The following IMPDH1 variants were observed in gnomAD, a reference collection of about 807,000 sequenced individuals.
IMPDH1 encodes the protein inosine-5'-monophosphate dehydrogenase 1.
A neutral mutation model predicts 73.5 loss-of-function variants in IMPDH1; 41 were observed. The observed-to-expected ratio is 0.56, with a 90% confidence interval of 0.43 to 0.72. IMPDH1 has a LOEUF of 0.72. IMPDH1 is among the 30% of genes least tolerant of loss of function. IMPDH1 has a pLI of 0.00. For synonymous variants in IMPDH1, 318 were observed against 334.3 expected (o/e 0.95, Z 0.53); for missense variants, 645 against 824.8 (o/e 0.78, Z 2.67).
At position 128,394,231 on chromosome 7, in the gene IMPDH1, C is replaced by T; in HGVS notation, c.1778+47G>A. 6.5e-7 allele frequency: 1 copy of T among 1,530,114 alleles called. No individual in the cohort carries two copies. Among genetic ancestry groups the T allele is most frequent in the South Asian group, 1.1e-5 (1 of 89,422 alleles). The allele number at this position is 1,530,114 out of a possible 1,614,324, so 94.8% of individuals were successfully genotyped here. ...GACCTCAGAACCCTGGCCCCACCTGCCCAACCCACTGCCTCCAAGTGACAG... is the reference window on the plus strand; with the variant it reads ...GACCTCAGAACCCTGGCCCCACCTGTCCAACCCACTGCCTCCAAGTGACAG... On this transcript the variant is annotated intron_variant, in intron 16 of 16. Transcript: ENST00000338791. The surrounding 1 kb of genome is among the most constrained non-coding windows in gnomAD (Gnocchi z 5.5).
chr7:128,408,587 G>C (rs566570990), intron 3 of IMPDH1, among the ~76,000 whole-genome samples: 2 of 152,090 alleles, frequency 1.3e-5, no homozygotes, highest in Admixed American at 6.5e-5. Context: ...GGTTGGGGGT[G>C]GGGGTAGGGA....
At chr7:128,395,795 C>T (rs551834581) in intron 12 of IMPDH1, among the ~76,000 whole-genome samples, 1 of 152,338 alleles carries the variant, frequency 6.6e-6, no homozygotes, top group African/African-American at 2.4e-5. Flanking sequence ...TTTGTCCCTA[C>T]TCTACCTCAA....
At chr7:128,400,644 A>C in intron 7 of IMPDH1, 105 bp from the exon 8 acceptor site, 2 of 1,298,696 alleles carry the variant, frequency 1.5e-6, no homozygotes, top group Non-Finnish European at 2.2e-6. Flanking sequence ...AGAAGCCAGG[A>C]CCCTCAGTGG....
chr7:128,393,807 A>C, intron 16 of IMPDH1: 1 of 274,996 alleles, frequency 3.6e-6, no homozygotes, highest in South Asian at 3.9e-5. Context: ...AGGGCTCCTG[A>C]CCAGGGTGGG....
Position 128,394,854 on chromosome 7 carries a change from C to T in IMPDH1, c.1550+35G>A. 6.2e-7 allele frequency: 1 copy of T among 1,609,820 alleles called. No homozygotes were observed. The highest frequency in any genetic ancestry group is 2.2e-4 in the Middle Eastern group (1 of 4,456). Reference sequence around the variant, plus strand: ...TGAGCGGGCCCTGAAGGGTTGTGGGCTGATCTGCCCAGGTGGGGCCCAGGG... The same window carrying T: ...TGAGCGGGCCCTGAAGGGTTGTGGGTTGATCTGCCCAGGTGGGGCCCAGGG... On this transcript the variant is annotated intron_variant, in intron 14 of 16. Transcript: ENST00000338791. This position sits in a 1 kb window ranked among gnomAD's most constrained non-coding sequence, Gnocchi z 5.5.
chr7:128,396,883 C>T lies in IMPDH1; in HGVS notation c.1165+49G>A. ...GATGCTGAAGGACAGAAAAGGGTTA[C>T]TCATTGGAGGGGCAGGAGCAGGCGG... On this transcript the variant is annotated intron_variant, in intron 11 of 16. Transcript: ENST00000338791. The surrounding 1 kb of genome is among the most constrained non-coding windows in gnomAD (Gnocchi z 4.0). 2 of 1,374,534 alleles carry T rather than the reference C, an allele frequency of 1.5e-6. No homozygotes were observed. The highest frequency in any genetic ancestry group is 2.1e-6 in the Non-Finnish European group (2 of 962,004). 85.1% of individuals were successfully genotyped at this position (1,374,534 alleles called of 1,614,324 possible).
At position 128,394,899 on chromosome 7, in the gene IMPDH1, G is replaced by A. The variant is rs1343867350; in HGVS notation, c.1540C>T (p.Arg514Ter). 2.5e-6 allele frequency: 4 copies of A among 1,611,950 alleles called. No individual in the cohort carries two copies. The highest frequency in any genetic ancestry group is 1.3e-5 in the African/African-American group (1 of 74,854). The change falls in exon 14 of 17, where the codon CGA (arginine) becomes TGA (stop). Residue 514 changes from arginine to a stop codon, truncating the protein, a stop_gained. Transcript: ENST00000338791. LOFTEE classifies it high-confidence loss of function. The surrounding 1 kb of genome is among the most constrained non-coding windows in gnomAD (Gnocchi z 5.5). ...AMEKSSSSQKRYFSEGDKVKI... is the reference protein window; with the variant it reads ...AMEKSSSSQK ...CCAGGGTCAGGGAACCTGAAGTATC[G>A]TTTCTGGCTGCTGCTGCTCTTCTCC...
Position 128,396,992 on chromosome 7 carries a change from T to G in IMPDH1, c.1105A>C (p.Ile369Leu), listed in dbSNP as rs762299625. 1.9e-6 allele frequency: 3 copies of G among 1,614,056 alleles called. No homozygotes were observed. The highest frequency in any genetic ancestry group is 2.2e-5 in the East Asian group (1 of 44,862). The change falls in exon 11 of 17, where the codon ATC becomes CTC. Residue 369 changes from isoleucine to leucine, a missense_variant. This residue lies in a region of IMPDH1 where 459 missense variants were observed against 638.2 expected (regional missense o/e 0.72). Transcript: ENST00000338791. The surrounding 1 kb of genome is among the most constrained non-coding windows in gnomAD (Gnocchi z 4.0). ...DSSQGNSVYQ[I>L]AMVHYIKQKY... is the part of the protein sequence containing the mutation. Reference sequence around the variant, plus strand: ...TGTTTGATGTAATGCACCATGGCGATCTGATACACCGAATTCCCTTGGGAC... The same window carrying G: ...TGTTTGATGTAATGCACCATGGCGAGCTGATACACCGAATTCCCTTGGGAC...
Position 128,398,759 on chromosome 7 carries a change from G to A in IMPDH1, c.875-146C>T. 1.5e-6 allele frequency: 1 copy of A among 668,180 alleles called. No homozygotes were observed. The highest frequency in any genetic ancestry group is 2.8e-5 in the East Asian group (1 of 36,280). The allele number at this position is 668,180 out of a possible 1,614,324, so 41.4% of individuals were successfully genotyped here. On this transcript the variant is annotated intron_variant, in intron 9 of 16. Coordinates refer to ENST00000338791, the MANE Select transcript of IMPDH1 (RefSeq NM_000883.4). The surrounding 1 kb of genome is among the most constrained non-coding windows in gnomAD (Gnocchi z 4.3). ...CCACTAGGTGACAGCACCGCCCCCA[G>A]GAAGTGTTCCTAGGGACCTAGCCCT... is the stretch of plus-strand genomic sequence containing the variant.
At position 128,394,694 on chromosome 7, in the gene IMPDH1, G is replaced by T. The variant is rs1584714436; in HGVS notation, c.1551-95C>A. On this transcript the variant is annotated intron_variant, in intron 14 of 16. Coordinates refer to ENST00000338791, the MANE Select transcript of IMPDH1 (RefSeq NM_000883.4). This position sits in a 1 kb window ranked among gnomAD's most constrained non-coding sequence, Gnocchi z 5.5. Reference sequence around the variant, plus strand: ...CAAAAACGGGATACCGCCCAGGAAGGTCCCCCAGGCCACCCCTCACTGGGC... The same window carrying T: ...CAAAAACGGGATACCGCCCAGGAAGTTCCCCCAGGCCACCCCTCACTGGGC... 1.3e-6 allele frequency: 2 copies of T among 1,514,494 alleles called. No individual in the cohort carries two copies. Among genetic ancestry groups the T allele is most frequent in the East Asian group, 4.6e-5 (2 of 43,896 alleles). 93.8% of individuals were successfully genotyped at this position (1,514,494 alleles called of 1,614,324 possible).
chr7:128,408,912 C>T (rs1001728551), intron 3 of IMPDH1, among the ~76,000 whole-genome samples: 2 of 152,198 alleles, frequency 1.3e-5, no homozygotes, highest in Admixed American at 6.5e-5. Context: ...GTTAAAAGTT[C>T]TTACATAAGC....
intron 5 of IMPDH1, 24 bp downstream of exon 5, chr7:128,403,682 C>A: frequency 6.2e-7 from 1 of 1,608,468 alleles, no homozygotes. Context: ...GCCCCCTCCC[C>A]TTGTCAAAGG....
chr7:128,405,973 CGCGGGCCGG>C (rs1027053799), intron 3 of IMPDH1, 108 bp from the exon 4 acceptor site: 63 of 962,344 alleles, frequency 6.5e-5, no homozygotes, highest in East Asian at 9.0e-5. Context: ...ACGCTGCTGC[CGCGGGCCGG>C]GCGGGCCGGG....
intron 3 of IMPDH1, among the ~76,000 whole-genome samples, chr7:128,406,336 C>T (rs1798777488): frequency 7.2e-6 from 1 of 138,116 alleles, no homozygotes; most frequent in African/African-American, 2.6e-5. Context: ...AGTTCTCCCC[C>T]AGCCGGGGCC....
At chr7:128,393,864 C>T (rs1030649920) in intron 16 of IMPDH1, 20 of 317,122 alleles carry the variant, frequency 6.3e-5, no homozygotes, top group Admixed American at 4.0e-4. Flanking sequence ...CCCCCGCCCA[C>T]GGTTGCCCCA....
chr7:128,409,275 G>A lies in IMPDH1; in HGVS notation c.254+14C>T. On this transcript the variant is annotated intron_variant, in intron 3 of 16. Coordinates refer to ENST00000338791, the MANE Select transcript of IMPDH1 (RefSeq NM_000883.4). ...AGATCTCAGTGCATGGTGAGGAGGG[G>A]AGAGTGTCCTCACCTAGCCCTGCGA... is the stretch of plus-strand genomic sequence containing the variant. 6.2e-7 allele frequency: 1 copy of A among 1,606,988 alleles called. No homozygotes were observed. The highest frequency in any genetic ancestry group is 1.1e-5 in the South Asian group (1 of 90,804).
chr7:128,409,903 C>A lies in IMPDH1; in HGVS notation c.-2G>T. 5.7e-6 allele frequency: 8 copies of A among 1,410,262 alleles called. No homozygotes were observed. Among genetic ancestry groups the A allele is most frequent in the Non-Finnish European group, 7.4e-6 (8 of 1,085,590 alleles). The allele number at this position is 1,410,262 out of a possible 1,614,324, so 87.4% of individuals were successfully genotyped here. ...TGGTGGAGTGAGTGGCCCCTCCATG[C>A]GGAGGCCGCAGCTCAGGGCGGGCGG... On this transcript the variant is annotated 5_prime_UTR_variant, in exon 1 of 17. Coordinates refer to ENST00000338791, the MANE Select transcript of IMPDH1 (RefSeq NM_000883.4).
chr7:128,393,077 G>A (rs758600217), intron 16 of IMPDH1, 49 bp from the exon 17 acceptor site: 2 of 1,603,934 alleles, frequency 1.2e-6, no homozygotes, highest in South Asian at 1.1e-5. Flanking sequence ...TGTGGACCCT[G>A]CTCCTTCCCA....
Position 128,392,939 on chromosome 7 carries a change from G to A in IMPDH1, c.*68C>T. On this transcript the variant is annotated 3_prime_UTR_variant, in exon 17 of 17. Transcript: ENST00000338791. Reference sequence around the variant, plus strand: ...AATCTGTGGACCACTCAGTTATGGAGGGAGGCTGTGCCCAAAAGTGGACAC... The same window carrying A: ...AATCTGTGGACCACTCAGTTATGGAAGGAGGCTGTGCCCAAAAGTGGACAC... The A allele has an allele frequency of 6.6e-7, 1 of 1,504,872 alleles. No individual in the cohort carries two copies. The highest frequency in any genetic ancestry group is 9.3e-7 in the Non-Finnish European group (1 of 1,080,748). 93.2% of individuals were successfully genotyped at this position (1,504,872 alleles called of 1,614,324 possible).
Sources: gnomAD v4.1 joint callset for allele counts (sites outside exome capture counted in the v4.1 genomes callset) on GRCh38, gnomAD v4.1.1 for gene constraint, gnomAD v4.1.1 regional missense constraint, Gnocchi (gnomAD v3.1) non-coding constraint, MANE v1.5 for transcripts, NCBI Gene and HGNC (gene_info 2026-07-23, HGNC 2026-07-21) for gene names.